Variants in CFAP69 observed in about 807,000 individuals in gnomAD.
The protein encoded by CFAP69 is cilia- and flagella-associated protein 69.
In CFAP69, 92 loss-of-function variants were observed where a neutral mutation model predicts 123.0. The observed-to-expected ratio is 0.75, with a 90% CI of 0.63 to 0.89. The LOEUF (loss-of-function observed/expected upper bound fraction) is 0.89. CFAP69 is among the 40% of genes least tolerant of loss of function. The pLI is 0.00. For missense variants in CFAP69, 1,067 were observed against 1,096.9 expected, an observed-to-expected ratio of 0.97 and a Z score of 0.39; for synonymous variants, 380 against 364.3, an observed-to-expected ratio of 1.04 and a Z score of -0.49.
At chr7:90,287,734 C>T (rs117038552) in intron 14 of CFAP69, 11,099 of 985,452 alleles carry the variant, frequency 0.011, 60 homozygotes, top group South Asian at 0.026. Flanking sequence ...AACTGAACAG[C>T]AAGGCAATAA....
chr7:90,313,006 A>G (rs1794458634), downstream of CFAP69, among the ~76,000 whole-genome samples: 1 of 152,218 alleles, frequency 6.6e-6, no homozygotes, highest in Non-Finnish European at 1.5e-5. Flanking sequence ...CATTGAGTGA[A>G]AAATTAGTGA....
Position 90,250,174 on chromosome 7 carries a change from C to G in CFAP69, c.120+4630C>G, listed in dbSNP as rs983149804. 5.4e-5 allele frequency among the ~76,000 whole-genome samples: 7 copies of G among 129,968 alleles called. No homozygotes were observed. In the Admixed American group the frequency reaches 5.5e-4, roughly 10 times the overall value. 85.3% of individuals were successfully genotyped at this position (129,968 alleles called of 152,430 possible). The stretch of plus-strand genomic sequence containing the variant: ...CCTGGGCAACATAGGGAGACCCCCA[C>G]TCTTTAAAGAGAGGAGAGAGAGAGA... On this transcript the variant is annotated intron_variant, in intron 1 of 22. Coordinates refer to ENST00000389297, the MANE Select transcript of CFAP69 (RefSeq NM_001039706.3).
chr7:90,271,972 G>A lies in CFAP69; in HGVS notation c.860+14G>A. The A allele has an allele frequency of 1.3e-6, 2 of 1,596,838 alleles. No homozygotes were observed. The highest frequency in any genetic ancestry group is 1.1e-5 in the South Asian group (1 of 87,724). On this transcript the variant is annotated intron_variant, in intron 8 of 22. Transcript: ENST00000389297. The stretch of plus-strand genomic sequence containing the variant: ...GGAATGTTTGCTGTAAGCGTATGTG[G>A]TTAGATAGGAATGTTCTTTTAATCT...
chr7:90,279,313 CTA>C (rs1428433632), intron 11 of CFAP69, among the ~76,000 whole-genome samples: 9 of 151,958 alleles, frequency 5.9e-5, no homozygotes, highest in Admixed American at 4.6e-4. Flanking sequence ...CCAAAATATT[CTA>C]TGTTTTATTG....
intron 12 of CFAP69, among the ~76,000 whole-genome samples, chr7:90,281,297 T>C (rs534988084): frequency 6.6e-6 from 1 of 152,284 alleles, no homozygotes; most frequent in African/African-American, 2.4e-5. Flanking sequence ...AGAACAGTAT[T>C]TTCAACTTTT....
At chr7:90,247,756 A>T (rs1796509504) in intron 1 of CFAP69, among the ~76,000 whole-genome samples, 1 of 152,146 alleles carries the variant, frequency 6.6e-6, no homozygotes, top group South Asian at 2.1e-4. Flanking sequence ...GAGGCAGGAG[A>T]ATCACTTGAA....
In CFAP69 at chr7:90,304,829, C is replaced by A. The variant is rs1267927245; in HGVS notation, c.2265+9C>A. On this transcript the variant is annotated intron_variant, in intron 19 of 22. Transcript: ENST00000389297. The stretch of plus-strand genomic sequence containing the variant: ...GATATCTTGATTTTAAAGTAAGTAT[C>A]TTTTTAATAACCTGATTATTAAAAT... 15 of 1,398,780 alleles carry A rather than the reference C, an allele frequency of 1.1e-5. No homozygotes were observed. The highest frequency in any genetic ancestry group is 1.9e-5 in the Admixed American group (1 of 51,850). 86.6% of individuals were successfully genotyped at this position (1,398,780 alleles called of 1,614,324 possible).
At chr7:90,295,807 T>C (rs1157461303) in intron 15 of CFAP69, among the ~76,000 whole-genome samples, 1 of 152,242 alleles carries the variant, frequency 6.6e-6, no homozygotes, top group East Asian at 1.9e-4. Flanking sequence ...CTTGATGATA[T>C]GCCAAACATG....
rs35686446 is a variant in CFAP69, at chr7:90,279,518, T to TG, written c.1156-158dup. 8.9e-3 allele frequency among the ~76,000 whole-genome samples: 1,311 copies of TG among 147,288 alleles called. 20 individuals are homozygous for TG. Among genetic ancestry groups the TG allele is most frequent in the African/African-American group, 0.029 (1,170 of 40,668 alleles). On this transcript the variant is annotated intron_variant, in intron 11 of 22. Coordinates refer to ENST00000389297, the MANE Select transcript of CFAP69 (RefSeq NM_001039706.3). ...GGATTATAACTTATTTAATTTTTGG[T>TG]GTTTTTTTTTTGGTACCTATCATAG...
the CFAP69 span, among the ~76,000 whole-genome samples, chr7:90,316,193 G>A: frequency 3.3e-5 from 5 of 152,078 alleles, no homozygotes. Flanking sequence ...ATATTTGTGG[G>A]GTCAATATTA....
At chr7:90,263,817 C>T (rs906292564) in intron 4 of CFAP69, among the ~76,000 whole-genome samples, 14 of 151,786 alleles carry the variant, frequency 9.2e-5, no homozygotes, top group Admixed American at 1.3e-4. Flanking sequence ...TGGCCAAGCG[C>T]GGTGGCTCAT....
intron 9 of CFAP69, among the ~76,000 whole-genome samples, chr7:90,275,619 T>TTTTTTTG (rs1788487661): frequency 7.4e-6 from 1 of 135,894 alleles, no homozygotes. Context: ...TTTTTTTTTT[T>TTTTTTTG]GAGACGGAAT....
intron 21 of CFAP69, among the ~76,000 whole-genome samples, chr7:90,308,624 C>T (rs1793947308): frequency 6.6e-6 from 1 of 152,118 alleles, no homozygotes; most frequent in South Asian, 2.1e-4. Context: ...TAAGAACAAG[C>T]TCACTCAAGG....
chr7:90,291,442 A>G (rs548803123), intron 15 of CFAP69, among the ~76,000 whole-genome samples: 35 of 152,154 alleles, frequency 2.3e-4, no homozygotes, highest in Non-Finnish European at 3.7e-4. Context: ...TTTATCCCCA[A>G]GGTCTTCATG....
chr7:90,286,257 A>C (rs781588016), intron 13 of CFAP69, 24 bp from the exon 14 acceptor site: 2 of 1,562,532 alleles, frequency 1.3e-6, no homozygotes, highest in Non-Finnish European at 8.7e-7. Context: ...ATAACTATAC[A>C]GTCTTTAAAT....
Position 90,245,254 on chromosome 7 carries a change from G to C in CFAP69, c.-171G>C. The C allele has an allele frequency of 1.2e-6, 1 of 825,444 alleles. No homozygotes were observed. Among genetic ancestry groups the C allele is most frequent in the Non-Finnish European group, 1.7e-6 (1 of 586,874 alleles). 51.1% of individuals were successfully genotyped at this position (825,444 alleles called of 1,614,324 possible). A position where few individuals can be genotyped will look rare whatever the true frequency, so the allele number is the denominator to read the frequency against. On this transcript the variant is annotated 5_prime_UTR_variant, in exon 1 of 23. Coordinates refer to ENST00000389297, the MANE Select transcript of CFAP69 (RefSeq NM_001039706.3). ...TGGGGGGCGGCAGCGGCGCTAAGCG[G>C]ACTGTATGGCGGTGGCCTAGGCCCC... is the stretch of plus-strand genomic sequence containing the variant.
the CFAP69 span, among the ~76,000 whole-genome samples, chr7:90,323,047 A>G: frequency 6.6e-6 from 1 of 152,200 alleles, no homozygotes; most frequent in East Asian, 1.9e-4. Flanking sequence ...CAATCTCAGC[A>G]ATTTTTTGAG....
rs1789703276 is a variant in CFAP69, at chr7:90,282,900, T to A, written c.1381T>A (p.Phe461Ile). 6.7e-7 allele frequency: 1 copy of A among 1,488,234 alleles called. No homozygotes were observed. The highest frequency in any genetic ancestry group is 2.4e-5 in the Admixed American group (1 of 42,510). 92.2% of individuals were successfully genotyped at this position (1,488,234 alleles called of 1,614,324 possible). A position where few individuals can be genotyped will look rare whatever the true frequency, so the allele number is the denominator to read the frequency against. ...LEWCESEDPF[F>I]SHGNSFHGTG... is the part of the protein sequence containing the mutation. ...TCACTTTTTCTCCACAGATCCGTTTTTCAGTCATGGTAACAGTTTTCATGG... is the reference window on the plus strand; with the variant it reads ...TCACTTTTTCTCCACAGATCCGTTTATCAGTCATGGTAACAGTTTTCATGG... The change falls in exon 13 of 23, where the codon TTC (phenylalanine) becomes ATC (isoleucine). Residue 461 changes from phenylalanine (F) to isoleucine (I), a missense_variant. Transcript: ENST00000389297.
the CFAP69 span, chr7:90,317,096 T>A: frequency 1.3e-3 from 202 of 152,212 alleles, no homozygotes; most frequent in African/African-American, 4.5e-3. Context: ...AGGTCATTTT[T>A]TTTTTTTTAG....
Sources: allele counts gnomAD v4.1 joint callset (sites outside exome capture counted in the v4.1 genomes callset), GRCh38; gene constraint gnomAD v4.1.1; transcripts MANE v1.5; gene names NCBI Gene and HGNC (gene_info 2026-07-23, HGNC 2026-07-21).